SPEF2: variants seen among roughly 807,000 people sequenced by gnomAD.
SPEF2 encodes sperm flagella and cilia-associated protein 2.
SPEF2 carries 187 observed loss-of-function variants against 224.6 expected under a neutral mutation model. The observed-to-expected ratio is 0.83, with a 90% CI of 0.74 to 0.94. The LOEUF is 0.94. Among genes scored for constraint, SPEF2 ranks in the 40% least tolerant of loss-of-function variants. The pLI is 0.00. For synonymous variants in SPEF2, 715 were observed against 707.3 expected, an observed-to-expected ratio of 1.01 and a Z score of -0.17; for missense variants, 2,170 against 2,135.6, an observed-to-expected ratio of 1.02 and a Z score of -0.32.
chr5:35,811,275 T>G (rs1214483920), intron 36 of SPEF2, among the ~76,000 whole-genome samples: 1 of 152,172 alleles, frequency 6.6e-6, no homozygotes, highest in Non-Finnish European at 1.5e-5. Context: ...CTGAAGATCT[T>G]TCAAGATAAG....
intron 15 of SPEF2, chr5:35,699,446 A>G (rs1432150265): frequency 1.3e-5 from 2 of 152,136 alleles, no homozygotes; most frequent in Non-Finnish European, 2.9e-5. Context: ...CAAAAACCCA[A>G]TTGCACTTCA....
intron 9 of SPEF2, 74 bp downstream of exon 9, chr5:35,667,333 T>G (rs1750620144): frequency 3.1e-6 from 4 of 1,273,708 alleles, no homozygotes; most frequent in Non-Finnish European, 4.3e-6. Flanking sequence ...AAATAGATAC[T>G]AGGATGATAA....
intron 3 of SPEF2, chr5:35,643,457 A>C (rs1354630013): frequency 2.2e-6 from 1 of 455,910 alleles, no homozygotes; most frequent in South Asian, 1.6e-5. Flanking sequence ...GAACAGTAGG[A>C]GAGAAAAGCT....
At position 35,646,808 on chromosome 5, in the gene SPEF2, G is replaced by C; in HGVS notation, c.726+1G>C. 6.2e-7 allele frequency: 1 copy of C among 1,613,552 alleles called. No homozygotes were observed. The highest frequency in any genetic ancestry group is 8.5e-7 in the Non-Finnish European group (1 of 1,179,742). ...GATGAAAAAGAAAAAAGAGGCAGAA[G>C]TAAGTGATAATCCTTTAATATTGTG... On this transcript the variant is annotated splice_donor_variant, in intron 5 of 36. Coordinates refer to ENST00000356031, the MANE Select transcript of SPEF2 (RefSeq NM_024867.4). LOFTEE classifies it high-confidence loss of function.
Position 35,766,180 on chromosome 5 carries a change from C to T in SPEF2, c.3801+2478C>T, listed in dbSNP as rs560804140. Among the ~76,000 whole-genome samples, 6 of 152,096 alleles carry T rather than the reference C, an allele frequency of 3.9e-5. No homozygotes were observed. In the South Asian group the frequency reaches 1.2e-3, roughly 32 times the overall value. ...AGTCTGGATATATTTCCTCTCTATA[C>T]TTTGGAAAATTTTGTGGAAGTTGGG... On this transcript the variant is annotated intron_variant, in intron 26 of 36. Coordinates refer to ENST00000356031, the MANE Select transcript of SPEF2 (RefSeq NM_024867.4).
rs1754978041 is a variant in SPEF2 at position 35,694,356 on chromosome 5, A to G, written c.1968A>G (p.Thr656=). 6.2e-7 allele frequency: 1 copy of G among 1,611,374 alleles called. No homozygotes were observed. The highest frequency in any genetic ancestry group is 8.5e-7 in the Non-Finnish European group (1 of 1,178,468). Residue 656 remains threonine, a synonymous_variant, in exon 13 of 37, where the codon ACA becomes ACG. Coordinates refer to ENST00000356031, the MANE Select transcript of SPEF2 (RefSeq NM_024867.4). ...TATTACCAGAAACAGAAGGTGAAAC[A>G]ATGCTTAGTAAGATCTCAAAACAAA... is the stretch of plus-strand genomic sequence containing the variant. The part of the protein sequence containing the change: ...DEVLPETEGE[T]MLSANADKTP...
At chr5:35,796,573 C>T (rs1268143437) in intron 33 of SPEF2, among the ~76,000 whole-genome samples, 1 of 149,478 alleles carries the variant, frequency 6.7e-6, no homozygotes, top group Non-Finnish European at 1.5e-5. Context: ...GATAGCGCCA[C>T]TGCAGTCAGG....
chr5:35,774,271 CA>C (rs1381992482), intron 28 of SPEF2, among the ~76,000 whole-genome samples: 3 of 151,980 alleles, frequency 2.0e-5, no homozygotes, highest in Non-Finnish European at 4.4e-5. Context: ...CAAAAAGAAC[CA>C]AAAAGAATTT....
chr5:35,771,893 T>G, intron 27 of SPEF2, 137 bp downstream of exon 27: 65 of 1,030,514 alleles, frequency 6.3e-5, no homozygotes, highest in Non-Finnish European at 7.6e-5. Flanking sequence ...AGACCCGGGC[T>G]TCTATGATTT....
At chr5:35,648,669 C>T (rs1267838856) in intron 5 of SPEF2, among the ~76,000 whole-genome samples, 3 of 151,992 alleles carry the variant, frequency 2.0e-5, no homozygotes. Flanking sequence ...ACAAAGATGA[C>T]CTAAAGTTAA....
Position 35,670,117 on chromosome 5 carries a change from A to G in SPEF2, c.1414A>G (p.Ile472Val), listed in dbSNP as rs1751034681. Residue 472 changes from isoleucine (I) to valine (V), a missense_variant, in exon 10 of 37, where the codon ATA becomes GTA. Physicochemically the swap from Ile to Val is conservative, Grantham distance 29. Coordinates refer to ENST00000356031, the MANE Select transcript of SPEF2 (RefSeq NM_024867.4). ...WKELFFNAKPIYEQASVKTLP... is the reference protein window; with the variant it reads ...WKELFFNAKPVYEQASVKTLP... ...GGAACTATTTTTTAATGCAAAACCCATATATGAACAAGCCTCTGTTAAGAC... is the reference window on the plus strand; with the variant it reads ...GGAACTATTTTTTAATGCAAAACCCGTATATGAACAAGCCTCTGTTAAGAC... The G allele has an allele frequency of 2.5e-6, 4 of 1,612,050 alleles. No individual in the cohort carries two copies. Among genetic ancestry groups the G allele is most frequent in the Non-Finnish European group, 3.4e-6 (4 of 1,178,854 alleles).
intron 31 of SPEF2, 74 bp downstream of exon 31, chr5:35,792,520 T>A (rs1756109759): frequency 8.2e-7 from 1 of 1,220,790 alleles, no homozygotes; most frequent in Non-Finnish European, 1.2e-6. Flanking sequence ...AGTTCTAAAA[T>A]AATGAGTACT....
intron 15 of SPEF2, chr5:35,699,707 A>G (rs2149558495): frequency 6.6e-6 from 1 of 152,352 alleles, no homozygotes; most frequent in South Asian, 2.1e-4. Flanking sequence ...CTTATGAGGT[A>G]TGTTATGTTA....
At chr5:35,731,925 G>T (rs1010825703) in intron 21 of SPEF2, among the ~76,000 whole-genome samples, 1 of 152,136 alleles carries the variant, frequency 6.6e-6, no homozygotes, top group African/African-American at 2.4e-5. Flanking sequence ...ATCACAGAGG[G>T]TACAGGGGAT....
chr5:35,756,513 A>G (rs1005562939), intron 24 of SPEF2, among the ~76,000 whole-genome samples: 2 of 152,224 alleles, frequency 1.3e-5, no homozygotes, highest in Admixed American at 6.5e-5. Flanking sequence ...GAAAGAGCCT[A>G]ATGAACAGCC....
intron 28 of SPEF2, 77 bp from the exon 29 acceptor site, chr5:35,776,180 T>C: frequency 7.0e-7 from 1 of 1,431,120 alleles, no homozygotes; most frequent in Non-Finnish European, 9.4e-7. Flanking sequence ...GCACCAGTGG[T>C]TTCAAAGTGA....
chr5:35,764,769 A>C (rs1326971149), intron 26 of SPEF2: 1 of 454,964 alleles, frequency 2.2e-6, no homozygotes, highest in Admixed American at 2.4e-5. Flanking sequence ...TTTTTCTCTG[A>C]CCTTCTCATA....
chr5:35,754,860 C>A (rs993794195), intron 24 of SPEF2, among the ~76,000 whole-genome samples: 1 of 152,182 alleles, frequency 6.6e-6, no homozygotes, highest in Non-Finnish European at 1.5e-5. Flanking sequence ...TAAAGAGATA[C>A]TACAGGAAAT....
chr5:35,790,216 C>A (rs1425785498), intron 30 of SPEF2: 1 of 690,052 alleles, frequency 1.4e-6, no homozygotes, highest in East Asian at 2.7e-5. Context: ...GAAAGTATGA[C>A]GGATGTCCTA....
Sources: gnomAD v4.1 joint callset for allele counts (sites outside exome capture counted in the v4.1 genomes callset) on GRCh38, gnomAD v4.1.1 for gene constraint, MANE v1.5 for transcripts, NCBI Gene and HGNC (gene_info 2026-07-23, HGNC 2026-07-21) for gene names.